REC114: variants seen among roughly 807,000 people sequenced by gnomAD.
REC114 encodes REC114 meiotic recombination protein, also known as meiotic recombination protein REC114.
In REC114, 27 loss-of-function variants were observed where a neutral mutation model predicts 31.3. The ratio of observed to expected loss-of-function variants is 0.86; its 90% CI spans 0.64 to 1.19. The LOEUF (loss-of-function observed/expected upper bound fraction) is 1.19. Among genes scored for constraint, REC114 ranks in the 50% most tolerant of loss-of-function variants. The pLI is 0.00. For missense variants in REC114, 344 were observed against 326.9 expected (o/e 1.05, Z -0.40); for synonymous variants, 134 against 127.7 (o/e 1.05, Z -0.33).
chr15:73,490,116 A>G (rs1893424224), intron 2 of REC114, among the ~76,000 whole-genome samples: 1 of 152,218 alleles, frequency 6.6e-6, no homozygotes, highest in Non-Finnish European at 1.5e-5. Context: ...TTTCACTAAT[A>G]GCTTCTGATT....
chr15:73,455,138 G>C (rs1046703618), intron 1 of REC114, among the ~76,000 whole-genome samples: 9 of 151,962 alleles, frequency 5.9e-5, no homozygotes, highest in African/African-American at 2.2e-4. Flanking sequence ...AAAAACGAAA[G>C]AGAAAACAAG....
intron 2 of REC114, among the ~76,000 whole-genome samples, chr15:73,492,967 A>C (rs1893466064): frequency 6.6e-6 from 1 of 150,976 alleles, no homozygotes; most frequent in African/African-American, 2.4e-5. Context: ...ATCTTTATGT[A>C]GTTTTTATTT....
chr15:73,478,365 G>T (rs1401822583), intron 2 of REC114, among the ~76,000 whole-genome samples: 1 of 148,788 alleles, frequency 6.7e-6, no homozygotes, highest in Non-Finnish European at 1.5e-5. Flanking sequence ...TTCTCTCATT[G>T]AATTACCTGG....
chr15:73,458,042 C>T (rs1892940482), intron 1 of REC114, among the ~76,000 whole-genome samples: 1 of 152,104 alleles, frequency 6.6e-6, no homozygotes, highest in East Asian at 1.9e-4. Flanking sequence ...CTTCATTGTT[C>T]CTGTGCTAGG....
intron 3 of REC114, among the ~76,000 whole-genome samples, chr15:73,545,702 T>C (rs1341218405): frequency 6.6e-6 from 1 of 152,208 alleles, no homozygotes; most frequent in Non-Finnish European, 1.5e-5. Context: ...GATTATTATA[T>C]ACATTCACAT....
At chr15:73,467,334 C>A (rs1046412628) in intron 1 of REC114, among the ~76,000 whole-genome samples, 4 of 152,296 alleles carry the variant, frequency 2.6e-5, no homozygotes, top group Admixed American at 2.0e-4. Flanking sequence ...AAATTCTCTA[C>A]AGACCAAGCA....
At position 73,476,616 on chromosome 15, in the gene REC114, C is replaced by T. The variant is rs191462041; in HGVS notation, c.249+2695C>T. On this transcript the variant is annotated intron_variant, in intron 2 of 5. Coordinates refer to ENST00000331090, the MANE Select transcript of REC114 (RefSeq NM_001042367.2). The stretch of plus-strand genomic sequence containing the variant: ...CTGTAGTTTTGCCTTTTCTAGAATT[C>T]ATGTAATGGAATCATATGATATGTA... Among the ~76,000 whole-genome samples the T allele has an allele frequency of 3.9e-5, 6 of 152,262 alleles. No individual in the cohort carries two copies. In the East Asian group the frequency reaches 1.2e-3, roughly 29 times the overall value.
At position 73,447,406 on chromosome 15, in the gene REC114, A is replaced by G. The variant is rs1324650012; in HGVS notation, c.159+4062A>G. ...GTTGGGTAGAGGGGACAGAGCCCCA[A>G]AGAAGACTGATAAGAGGCCTGGCAC... On this transcript the variant is annotated intron_variant, in intron 1 of 5. Transcript: ENST00000331090. Among the ~76,000 whole-genome samples, 8 of 152,130 alleles carry G rather than the reference A, an allele frequency of 5.3e-5. No individual in the cohort carries two copies. The East Asian group carries it at 1.2e-3, about 22-fold the overall frequency.
At chr15:73,549,652 T>C (rs1380361516) in intron 3 of REC114, among the ~76,000 whole-genome samples, 2 of 152,234 alleles carry the variant, frequency 1.3e-5, no homozygotes, top group Non-Finnish European at 2.9e-5. Context: ...AGTGTTTGTA[T>C]ATATTCTTTT....
chr15:73,456,301 A>G (rs1892914402), intron 1 of REC114, among the ~76,000 whole-genome samples: 1 of 151,696 alleles, frequency 6.6e-6, no homozygotes, highest in South Asian at 2.1e-4. Flanking sequence ...GATTTCTCAG[A>G]CATGCCCTAA....
At chr15:73,453,182 C>G (rs1469545569) in intron 1 of REC114, among the ~76,000 whole-genome samples, 1 of 152,168 alleles carries the variant, frequency 6.6e-6, no homozygotes, top group Non-Finnish European at 1.5e-5. Flanking sequence ...AAACTATCAT[C>G]AGAGTGAACA....
intron 2 of REC114, among the ~76,000 whole-genome samples, chr15:73,479,098 A>G (rs950169899): frequency 1.3e-5 from 2 of 152,028 alleles, no homozygotes; most frequent in Non-Finnish European, 2.9e-5. Context: ...TCAATGTTGA[A>G]TAGCAATGGT....
At chr15:73,459,094 G>C (rs763492687) in intron 1 of REC114, among the ~76,000 whole-genome samples, 1 of 152,204 alleles carries the variant, frequency 6.6e-6, no homozygotes, top group Non-Finnish European at 1.5e-5. Flanking sequence ...AATATTAATT[G>C]AAGGAATGAA....
chr15:73,483,833 C>T (rs984100628), intron 2 of REC114: 5 of 152,246 alleles, frequency 3.3e-5, no homozygotes, highest in Non-Finnish European at 7.3e-5. Flanking sequence ...ACTGCAGGCC[C>T]CTTCAGTTGG....
At chr15:73,542,833 T>C (rs967700893) in intron 3 of REC114, among the ~76,000 whole-genome samples, 1 of 152,342 alleles carries the variant, frequency 6.6e-6, no homozygotes, top group Non-Finnish European at 1.5e-5. Flanking sequence ...GTGTTATTGT[T>C]TGGATGCACT....
rs556046837 is a variant in REC114, at chr15:73,495,369, G to T, written c.249+21448G>T. On this transcript the variant is annotated intron_variant, in intron 2 of 5. Transcript: ENST00000331090. ...AGTACCTCTTCGGGGCTAAGTTCTG[G>T]TTGGTTCCTTTTGGGTATGTTGAAA... is the stretch of plus-strand genomic sequence containing the variant. Among the ~76,000 whole-genome samples the T allele has an allele frequency of 3.3e-5, 5 of 151,882 alleles. No individual in the cohort carries two copies. The South Asian group carries it at 8.3e-4, about 25-fold the overall frequency.
At chr15:73,502,526 GA>G (rs1344314431) in intron 2 of REC114, among the ~76,000 whole-genome samples, 1 of 152,076 alleles carries the variant, frequency 6.6e-6, no homozygotes. Flanking sequence ...TAATCATAAG[GA>G]AGAGAAAATA....
At chr15:73,480,821 G>A (rs768452531) in intron 2 of REC114, among the ~76,000 whole-genome samples, 3 of 152,078 alleles carry the variant, frequency 2.0e-5, no homozygotes, top group Non-Finnish European at 4.4e-5. Context: ...GGGATTACAG[G>A]TGCCCACCAC....
At chr15:73,535,704 G>A (rs1894145238) in intron 2 of REC114, among the ~76,000 whole-genome samples, 1 of 145,706 alleles carries the variant, frequency 6.9e-6, no homozygotes, top group South Asian at 2.3e-4. Context: ...CCAAAAAAGA[G>A]CCTGCATCGC....
Sources: allele counts gnomAD v4.1 joint callset (sites outside exome capture counted in the v4.1 genomes callset), GRCh38; gene constraint gnomAD v4.1.1; transcripts MANE v1.5; gene names NCBI Gene and HGNC (gene_info 2026-07-23, HGNC 2026-07-21).